The following TNFSF4 variants were observed in gnomAD, a reference collection of about 807,000 sequenced individuals.
TNFSF4 encodes tumor necrosis factor ligand superfamily member 4.
In TNFSF4, 4 loss-of-function variants were observed where a neutral mutation model predicts 7.3. That is an observed-to-expected ratio of 0.55 (90% confidence interval 0.27 to 1.25). TNFSF4 has a LOEUF of 1.25. Ranked by LOEUF, TNFSF4 falls within the 50% of genes most tolerant of loss-of-function variation. The pLI is 0.12. For synonymous variants in TNFSF4, 76 were observed against 83.7 expected (o/e 0.91, Z 0.50); for missense variants, 181 against 208.8 (o/e 0.87, Z 0.82).
At chr1:173,422,145 G>A in the TNFSF4 span, among the ~76,000 whole-genome samples, 1 of 152,152 alleles carries the variant, frequency 6.6e-6, no homozygotes, top group Non-Finnish European at 1.5e-5. Context: ...AAAGTGCTTA[G>A]AACAGTGCCA....
At chr1:173,441,694 T>C in the TNFSF4 span, among the ~76,000 whole-genome samples, 10 of 152,190 alleles carry the variant, frequency 6.6e-5, no homozygotes. Context: ...ATTTTTAAAG[T>C]GGGCGCTTTA....
chr1:173,339,765 T>C, the TNFSF4 span, among the ~76,000 whole-genome samples: 1 of 152,210 alleles, frequency 6.6e-6, no homozygotes, highest in African/African-American at 2.4e-5. Flanking sequence ...TTGTTGTACA[T>C]AGGATAGTTG....
chr1:173,178,603 T>A, the TNFSF4 span, among the ~76,000 whole-genome samples: 1 of 152,082 alleles, frequency 6.6e-6, no homozygotes, highest in Non-Finnish European at 1.5e-5. Context: ...ATTAAAAAAA[T>A]AAGTTGAATA....
the TNFSF4 span, among the ~76,000 whole-genome samples, chr1:173,266,113 TAAG>T: frequency 6.6e-6 from 1 of 151,468 alleles, no homozygotes; most frequent in Non-Finnish European, 1.5e-5. Flanking sequence ...TGTGCAAGAG[TAAG>T]AAGGATGGAG....
chr1:173,433,511 A>G, the TNFSF4 span, among the ~76,000 whole-genome samples: 1 of 151,392 alleles, frequency 6.6e-6, no homozygotes, highest in Non-Finnish European at 1.5e-5. Flanking sequence ...CCTGGGCAAC[A>G]TGGCGAAACC....
the TNFSF4 span, among the ~76,000 whole-genome samples, chr1:173,331,042 G>C: frequency 7.3e-3 from 1,116 of 151,932 alleles, 8 homozygotes; most frequent in African/African-American, 0.026. Context: ...CCACCACCAT[G>C]CCAGGCTAAT....
At chr1:173,421,585 T>G in the TNFSF4 span, among the ~76,000 whole-genome samples, 1 of 152,170 alleles carries the variant, frequency 6.6e-6, no homozygotes, top group African/African-American at 2.4e-5. Context: ...AAGAAAAGCT[T>G]TTCTTCCCAG....
the TNFSF4 span, among the ~76,000 whole-genome samples, chr1:173,335,844 C>T: frequency 6.6e-6 from 1 of 152,174 alleles, no homozygotes; most frequent in South Asian, 2.1e-4. Flanking sequence ...TAACCTACAG[C>T]ATTTAGCCAA....
the TNFSF4 span, among the ~76,000 whole-genome samples, chr1:173,309,372 A>T: frequency 6.6e-6 from 1 of 151,982 alleles, no homozygotes. Flanking sequence ...TTTTTAAAAA[A>T]GTAAGAAATA....
At chr1:173,306,048 A>G in the TNFSF4 span, among the ~76,000 whole-genome samples, 1 of 151,916 alleles carries the variant, frequency 6.6e-6, no homozygotes, top group Non-Finnish European at 1.5e-5. Context: ...CTACTCCAAC[A>G]TGAACATATT....
chr1:173,269,827 G>T, the TNFSF4 span, among the ~76,000 whole-genome samples: 1 of 152,130 alleles, frequency 6.6e-6, no homozygotes, highest in Non-Finnish European at 1.5e-5. Context: ...AACTGTTTTG[G>T]GGTTCAGTAA....
At chr1:173,257,469 G>A in the TNFSF4 span, among the ~76,000 whole-genome samples, 19 of 152,244 alleles carry the variant, frequency 1.2e-4, no homozygotes, top group African/African-American at 4.1e-4. Flanking sequence ...AGCTGCAAGT[G>A]CAGAGGTCCC....
chr1:173,257,493 C>T, the TNFSF4 span, among the ~76,000 whole-genome samples: 1 of 152,272 alleles, frequency 6.6e-6, no homozygotes, highest in African/African-American at 2.4e-5. Context: ...CCCACCCTCA[C>T]TTCTGACCAA....
chr1:173,347,355 T>G, the TNFSF4 span, among the ~76,000 whole-genome samples: 5 of 146,730 alleles, frequency 3.4e-5, no homozygotes, highest in African/African-American at 1.4e-4. Flanking sequence ...AGGAAAGTGG[T>G]GAGTGAGTCT....
the TNFSF4 span, among the ~76,000 whole-genome samples, chr1:173,429,869 C>CCTTACTA: frequency 2.0e-5 from 3 of 152,222 alleles, no homozygotes; most frequent in African/African-American, 7.2e-5. Context: ...GCAAATGTAG[C>CCTTACTA]AGCTTCCTGC....
At chr1:173,192,988 T>C (rs1649545188) in intron 1 of TNFSF4, among the ~76,000 whole-genome samples, 1 of 152,202 alleles carries the variant, frequency 6.6e-6, no homozygotes, top group Non-Finnish European at 1.5e-5. Flanking sequence ...GTTCATAATT[T>C]ATTCTACATA....
At chr1:173,354,687 G>A in the TNFSF4 span, among the ~76,000 whole-genome samples, 4 of 151,954 alleles carry the variant, frequency 2.6e-5, no homozygotes, top group East Asian at 7.7e-4. Flanking sequence ...TTAGTACTAA[G>A]GGATATATAC....
chr1:173,363,016 T>C, the TNFSF4 span: 646 of 387,336 alleles, frequency 1.7e-3, 3 homozygotes, highest in African/African-American at 0.012. Flanking sequence ...ACTTGCCTTA[T>C]CTTCAATAAT....
downstream of TNFSF4, among the ~76,000 whole-genome samples, chr1:173,178,837 T>C (rs889887985): frequency 1.7e-4 from 26 of 152,196 alleles, no homozygotes; most frequent in African/African-American, 2.7e-4. Flanking sequence ...GAGATTATCC[T>C]GAATTTTCCA....
Sources: allele counts gnomAD v4.1 joint callset (sites outside exome capture counted in the v4.1 genomes callset), GRCh38; gene constraint gnomAD v4.1.1; transcripts MANE v1.5; gene names NCBI Gene and HGNC (gene_info 2026-07-23, HGNC 2026-07-21).